EML1: variants seen among roughly 807,000 people sequenced by gnomAD.
The protein encoded by EML1 is EMAP like 1.
In EML1, 27 loss-of-function variants were observed where a neutral mutation model predicts 110.4. The observed-to-expected ratio is 0.24, with a 90% CI of 0.18 to 0.34. The LOEUF is 0.34. EML1 is among the 10% of genes least tolerant of loss of function. The pLI is 1.00. For missense variants in EML1, 741 were observed against 1,030.9 expected (o/e 0.72, Z 3.85); for synonymous variants, 344 against 385.8 (o/e 0.89, Z 1.27).
chr14:99,821,134 T>C (rs1214539139), intron 1 of EML1, among the ~76,000 whole-genome samples: 1 of 151,478 alleles, frequency 6.6e-6, no homozygotes, highest in Admixed American at 6.6e-5. Flanking sequence ...GTGATCCTAC[T>C]GCCTGAGCCG....
intron 1 of EML1, among the ~76,000 whole-genome samples, chr14:99,848,805 A>C (rs1355679336): frequency 6.6e-6 from 1 of 152,028 alleles, no homozygotes; most frequent in African/African-American, 2.4e-5. Flanking sequence ...TCTATAAAAA[A>C]TTTAAAAATT....
At chr14:99,842,275 T>G (rs747167242) in intron 1 of EML1, among the ~76,000 whole-genome samples, 16 of 152,210 alleles carry the variant, frequency 1.1e-4, no homozygotes, top group Non-Finnish European at 2.4e-4. Context: ...AAAGCAAGCT[T>G]TAGGCTTTGT....
intron 1 of EML1, among the ~76,000 whole-genome samples, chr14:99,809,217 G>A (rs191532319): frequency 1.2e-4 from 19 of 152,160 alleles, no homozygotes; most frequent in East Asian, 1.2e-3. Flanking sequence ...AAGAAACCCC[G>A]ACATTCTGTA....
chr14:99,777,567 C>A (rs1033645536), intron 1 of EML1, among the ~76,000 whole-genome samples: 2 of 152,096 alleles, frequency 1.3e-5, no homozygotes, highest in Non-Finnish European at 2.9e-5. Flanking sequence ...TTACAGCCAC[C>A]TGCCACCAAG....
chr14:99,760,332 A>G (rs1566852824), intron 1 of EML1, among the ~76,000 whole-genome samples: 1 of 151,958 alleles, frequency 6.6e-6, no homozygotes, highest in Non-Finnish European at 1.5e-5. Flanking sequence ...CTATCAAGTC[A>G]TTGGTAAAAT....
intron 2 of EML1, among the ~76,000 whole-genome samples, chr14:99,864,052 G>A (rs946722898): frequency 1.3e-5 from 2 of 152,168 alleles, no homozygotes; most frequent in East Asian, 3.8e-4. Context: ...TAGAAGTATC[G>A]CATTATTGTT....
intron 10 of EML1, 92 bp from the exon 11 acceptor site, chr14:99,909,249 CTTAT>C: frequency 6.3e-7 from 1 of 1,575,320 alleles, no homozygotes; most frequent in Non-Finnish European, 8.7e-7. Flanking sequence ...CCTTGAATTT[CTTAT>C]TTATTTGTGG....
chr14:99,827,134 G>C lies in EML1; in HGVS notation c.68-23719G>C, dbSNP rs969752027. On this transcript the variant is annotated intron_variant, in intron 1 of 21. Transcript: ENST00000262233. The surrounding 1 kb of genome is among the most constrained non-coding windows in gnomAD (Gnocchi z 4.4). Reference sequence around the variant, plus strand: ...GGGGATGACCACCTGAAGACATGGGGAGAAGACAGCCAGTGAGAGAGGCCT... The same window carrying C: ...GGGGATGACCACCTGAAGACATGGGCAGAAGACAGCCAGTGAGAGAGGCCT... Among the ~76,000 whole-genome samples, 1 of 152,186 alleles carries C rather than the reference G, an allele frequency of 6.6e-6. No homozygotes were observed. Among genetic ancestry groups the C allele is most frequent in the African/African-American group, 2.4e-5 (1 of 41,450 alleles).
intron 1 of EML1, among the ~76,000 whole-genome samples, chr14:99,839,532 C>G (rs2058599943): frequency 6.6e-6 from 1 of 152,162 alleles, no homozygotes; most frequent in Non-Finnish European, 1.5e-5. Context: ...CACATGTTGC[C>G]TCTTAGGGTG....
Position 99,832,545 on chromosome 14 carries a change from T to C in EML1, c.68-18308T>C, listed in dbSNP as rs148246423. Reference sequence around the variant, plus strand: ...CAAAACTTGGTGTGGTCGGTCTTTTTATTTTCAGACCTTCTAACGGGCGTG... The same window carrying C: ...CAAAACTTGGTGTGGTCGGTCTTTTCATTTTCAGACCTTCTAACGGGCGTG... On this transcript the variant is annotated intron_variant, in intron 1 of 21. Transcript: ENST00000262233. 4.6e-5 allele frequency among the ~76,000 whole-genome samples: 7 copies of C among 152,370 alleles called. No homozygotes were observed. In the East Asian group the frequency reaches 1.3e-3, roughly 29 times the overall value.
intron 17 of EML1, among the ~76,000 whole-genome samples, chr14:99,934,124 T>A (rs1293603390): frequency 6.6e-6 from 1 of 152,156 alleles, no homozygotes; most frequent in Non-Finnish European, 1.5e-5. Context: ...CATTTAATAA[T>A]TGTAATTGGT....
chr14:99,852,340 C>A (rs986019874), intron 2 of EML1, among the ~76,000 whole-genome samples: 2 of 152,202 alleles, frequency 1.3e-5, no homozygotes, highest in Non-Finnish European at 2.9e-5. Flanking sequence ...ATTGGCTGGG[C>A]ACAGTGGCAC....
chr14:99,936,542 A>G lies in EML1; in HGVS notation c.2095+208A>G, dbSNP rs1207955123. 6.6e-6 allele frequency among the ~76,000 whole-genome samples: 1 copy of G among 151,900 alleles called. No individual in the cohort carries two copies. The highest frequency in any genetic ancestry group is 1.5e-5 in the Non-Finnish European group (1 of 67,966). Reference sequence around the variant, plus strand: ...GGTTTCCTGCTGACTGTGAGCCCCTATGGAGGAGAAGATCCAGGGCCTGCC... The same window carrying G: ...GGTTTCCTGCTGACTGTGAGCCCCTGTGGAGGAGAAGATCCAGGGCCTGCC... On this transcript the variant is annotated intron_variant, in intron 19 of 21. Transcript: ENST00000262233. The surrounding 1 kb of genome is among the most constrained non-coding windows in gnomAD (Gnocchi z 5.5).
At chr14:99,739,029 G>A (rs1278793396) in intron 1 of EML1, among the ~76,000 whole-genome samples, 6 of 151,748 alleles carry the variant, frequency 4.0e-5, no homozygotes, top group African/African-American at 7.3e-5. Context: ...TGGCCTGGCT[G>A]GGTAGGATTT....
chr14:99,824,353 C>T (rs1284181760), intron 1 of EML1, among the ~76,000 whole-genome samples: 1 of 151,828 alleles, frequency 6.6e-6, no homozygotes. Context: ...TTTTTAGATG[C>T]ATCACGTTTT....
At chr14:99,812,798 T>C (rs1306926334) in intron 1 of EML1, among the ~76,000 whole-genome samples, 1 of 152,210 alleles carries the variant, frequency 6.6e-6, no homozygotes, top group Non-Finnish European at 1.5e-5. Flanking sequence ...GTATCTCAGC[T>C]GCCAACAGCT....
upstream of EML1, among the ~76,000 whole-genome samples, chr14:99,768,281 C>T (rs148985646): frequency 2.8e-3 from 431 of 152,286 alleles, 6 homozygotes; most frequent in African/African-American, 9.8e-3. Flanking sequence ...TATTCTTAGA[C>T]GTGACCCAGG....
At chr14:99,840,854 A>T (rs1022722270) in intron 1 of EML1, among the ~76,000 whole-genome samples, 2 of 152,332 alleles carry the variant, frequency 1.3e-5, no homozygotes, top group East Asian at 3.9e-4. Context: ...TGTTACCGGA[A>T]ACCCTTTTGT....
chr14:99,918,348 G>A lies in EML1; in HGVS notation c.1820+499G>A, dbSNP rs538477742. Among the ~76,000 whole-genome samples the A allele has an allele frequency of 1.1e-4, 17 of 152,080 alleles. No individual in the cohort carries two copies. In the East Asian group the frequency reaches 2.7e-3, roughly 24 times the overall value. Reference sequence around the variant, plus strand: ...CTAGCTCAAGCAGTCCTCCCACCTCGGTCTCCCAAAGTGCTGAGATCACAG... The same window carrying A: ...CTAGCTCAAGCAGTCCTCCCACCTCAGTCTCCCAAAGTGCTGAGATCACAG... On this transcript the variant is annotated intron_variant, in intron 16 of 21. Transcript: ENST00000262233.
Sources: allele counts gnomAD v4.1 joint callset (sites outside exome capture counted in the v4.1 genomes callset), GRCh38; gene constraint gnomAD v4.1.1; non-coding constraint Gnocchi (gnomAD v3.1); transcripts MANE v1.5; gene names NCBI Gene and HGNC (gene_info 2026-07-23, HGNC 2026-07-21).